NAALADL2: variants seen among roughly 807,000 people sequenced by gnomAD.
NAALADL2 encodes the protein inactive N-acetylated-alpha-linked acidic dipeptidase-like protein 2.
In NAALADL2, 76 loss-of-function variants were observed where a neutral mutation model predicts 87.2. That is an observed-to-expected ratio of 0.87 (90% confidence interval 0.72 to 1.05). The LOEUF is 1.05. NAALADL2 is among the 50% of genes least tolerant of loss of function. NAALADL2 has a pLI of 0.00. For synonymous variants in NAALADL2, 354 were observed against 331.0 expected, an observed-to-expected ratio of 1.07 and a Z score of -0.75; for missense variants, 1,089 against 945.8, an observed-to-expected ratio of 1.15 and a Z score of -1.99.
At chr3:175,205,648 G>C (rs1171937007) in intron 2 of NAALADL2, among the ~76,000 whole-genome samples, 4 of 151,884 alleles carry the variant, frequency 2.6e-5, no homozygotes, top group Non-Finnish European at 5.9e-5. Flanking sequence ...CAGTCTGAAG[G>C]TTAAACAGAC....
Position 175,247,804 on chromosome 3 carries a change from T to A in NAALADL2, c.820-8607T>A, listed in dbSNP as rs752952539. Among the ~76,000 whole-genome samples, 7 of 152,306 alleles carry A rather than the reference T, an allele frequency of 4.6e-5. No individual in the cohort carries two copies. The South Asian group carries it at 1.4e-3, about 32-fold the overall frequency. ...CTGAGGCCAGCCCTGGTAGAAAAGATGAAGTCATAGAGCAGTATGAAGAGA... is the reference window on the plus strand; with the variant it reads ...CTGAGGCCAGCCCTGGTAGAAAAGAAGAAGTCATAGAGCAGTATGAAGAGA... On this transcript the variant is annotated intron_variant, in intron 3 of 13. Transcript: ENST00000454872.
intron 1 of NAALADL2, among the ~76,000 whole-genome samples, chr3:174,908,038 T>C (rs2108286869): frequency 6.7e-6 from 1 of 150,124 alleles, no homozygotes. Flanking sequence ...TTTTTTTTTT[T>C]TTTTTTGGCC....
intron 2 of NAALADL2, among the ~76,000 whole-genome samples, chr3:174,559,737 G>A (rs566377322): frequency 6.6e-6 from 1 of 152,106 alleles, no homozygotes; most frequent in Non-Finnish European, 1.5e-5. Context: ...AGGCAGGAGG[G>A]TCCCTTTTAT....
chr3:175,240,550 G>A lies in NAALADL2; in HGVS notation c.819+6346G>A, dbSNP rs186056198. Among the ~76,000 whole-genome samples the A allele has an allele frequency of 5.3e-3, 812 of 152,366 alleles. 8 individuals are homozygous for A. Among genetic ancestry groups the A allele is most frequent in the Non-Finnish European group, 5.9e-3 (404 of 68,040 alleles). On this transcript the variant is annotated intron_variant, in intron 3 of 13. Coordinates refer to ENST00000454872, the MANE Select transcript of NAALADL2 (RefSeq NM_207015.3). ...TATAGATAACAATATCAGTGAGCTAGAGAAGTGGAATGGAACTGTAGTACT... is the reference window on the plus strand; with the variant it reads ...TATAGATAACAATATCAGTGAGCTAAAGAAGTGGAATGGAACTGTAGTACT...
chr3:175,744,336 C>T (rs1463442241), intron 12 of NAALADL2, among the ~76,000 whole-genome samples: 2 of 152,108 alleles, frequency 1.3e-5, no homozygotes, highest in African/African-American at 4.8e-5. Context: ...TGGCTTCTTA[C>T]AGTTATATCA....
intron 1 of NAALADL2, among the ~76,000 whole-genome samples, chr3:174,519,197 G>T (rs1720111900): frequency 6.6e-6 from 1 of 152,030 alleles, no homozygotes; most frequent in Admixed American, 6.6e-5. Flanking sequence ...TAAACATGGG[G>T]ATAACATTGT....
In NAALADL2 at chr3:175,122,994, C is replaced by G. The variant is rs1244839003; in HGVS notation, c.545+25703C>G. 3.3e-5 allele frequency among the ~76,000 whole-genome samples: 5 copies of G among 151,786 alleles called. No individual in the cohort carries two copies. The East Asian group carries it at 9.7e-4, about 30-fold the overall frequency. ...CAAACTCATCTTTTTATAAGGAACC[C>G]ATTCCTATGATAATGAACCCATTTT... On this transcript the variant is annotated intron_variant, in intron 2 of 13. Transcript: ENST00000454872.
chr3:175,121,790 C>T (rs1437088488), intron 2 of NAALADL2, among the ~76,000 whole-genome samples: 2 of 151,800 alleles, frequency 1.3e-5, no homozygotes, highest in Admixed American at 1.3e-4. Context: ...TTCCTCTGGC[C>T]ACAGTTTGGT....
Position 175,494,053 on chromosome 3 carries a change from TGAA to T in NAALADL2, c.1653+22298_1653+22300del. Reference sequence around the variant, plus strand: ...TACTTCTTGTATACAAATTTTAAAATGAAGAGAAACATGCAAAAAATATAATTG... The same window carrying T: ...TACTTCTTGTATACAAATTTTAAAATGAGAAACATGCAAAAAATATAATTG... On this transcript the variant is annotated intron_variant, in intron 9 of 13. Transcript: ENST00000454872. Among the ~76,000 whole-genome samples the T allele has an allele frequency of 2.0e-5, 3 of 152,034 alleles. No individual in the cohort carries two copies. The Middle Eastern group carries it at 0.01, about 521-fold the overall frequency.
At position 175,275,254 on chromosome 3, in the gene NAALADL2, C is replaced by A. The variant is rs545455330; in HGVS notation, c.939+18724C>A. On this transcript the variant is annotated intron_variant, in intron 4 of 13. Transcript: ENST00000454872. ...AAGACATACAAAAAGTAAACCCAGA[C>A]AATTTCTAAGAATGTCCATCCTAAT... Among the ~76,000 whole-genome samples the A allele has an allele frequency of 7.2e-5, 11 of 152,228 alleles. 1 individual carries two copies. Among genetic ancestry groups the A allele is most frequent in the Non-Finnish European group, 8.8e-5 (6 of 68,010 alleles).
chr3:174,678,938 C>T (rs543722136), intron 2 of NAALADL2, among the ~76,000 whole-genome samples: 3 of 152,232 alleles, frequency 2.0e-5, no homozygotes, highest in East Asian at 1.9e-4. Context: ...ATCTACTTTT[C>T]TCCTTGGCTG....
chr3:175,567,901 A>G (rs1429826929), intron 9 of NAALADL2, among the ~76,000 whole-genome samples: 1 of 151,918 alleles, frequency 6.6e-6, no homozygotes, highest in Non-Finnish European at 1.5e-5. Flanking sequence ...TTTTTGGTAG[A>G]GACACAGTTT....
At chr3:175,196,272 TA>T (rs1232341417) in intron 2 of NAALADL2, among the ~76,000 whole-genome samples, 1 of 151,894 alleles carries the variant, frequency 6.6e-6, no homozygotes, top group African/African-American at 2.4e-5. Context: ...CAAAACCATA[TA>T]GTTAGCTTAT....
At chr3:174,742,171 A>G (rs571536194) in intron 3 of NAALADL2, among the ~76,000 whole-genome samples, 1 of 151,768 alleles carries the variant, frequency 6.6e-6, no homozygotes, top group African/African-American at 2.4e-5. Context: ...TTTTTCAAGG[A>G]CCATTTAATA....
chr3:175,116,958 C>G (rs1725316403), intron 2 of NAALADL2, among the ~76,000 whole-genome samples: 1 of 151,978 alleles, frequency 6.6e-6, no homozygotes, highest in African/African-American at 2.4e-5. Flanking sequence ...AATAACACCA[C>G]ACATCTACAA....
intron 2 of NAALADL2, among the ~76,000 whole-genome samples, chr3:175,159,829 CTCTTT>C (rs1019239258): frequency 4.0e-5 from 6 of 150,732 alleles, no homozygotes; most frequent in Non-Finnish European, 7.4e-5. Flanking sequence ...TCCTCTCTCT[CTCTTT>C]TCTTTTTCTT....
intron 9 of NAALADL2, among the ~76,000 whole-genome samples, chr3:175,481,626 A>G (rs1726483182): frequency 6.6e-6 from 1 of 151,986 alleles, no homozygotes; most frequent in South Asian, 2.1e-4. Context: ...ATGAAAATAC[A>G]TTATACAACA....
intron 6 of NAALADL2, among the ~76,000 whole-genome samples, chr3:175,462,345 G>A (rs1723273507): frequency 6.6e-6 from 1 of 152,082 alleles, no homozygotes; most frequent in Non-Finnish European, 1.5e-5. Flanking sequence ...AGATAGATAA[G>A]GCACTCAGGC....
chr3:174,860,291 C>A (rs1726327410), intron 1 of NAALADL2, among the ~76,000 whole-genome samples: 1 of 151,934 alleles, frequency 6.6e-6, no homozygotes, highest in Admixed American at 6.6e-5. Context: ...TCTACATAGC[C>A]TGCTTAAGAA....
Sources: allele counts gnomAD v4.1 joint callset (sites outside exome capture counted in the v4.1 genomes callset), GRCh38; gene constraint gnomAD v4.1.1; transcripts MANE v1.5; gene names NCBI Gene and HGNC (gene_info 2026-07-23, HGNC 2026-07-21).